FOLH1: variants seen among roughly 807,000 people sequenced by gnomAD.
The protein encoded by FOLH1 is glutamate carboxypeptidase 2.
In FOLH1, 54 loss-of-function variants were observed where a neutral mutation model predicts 93.9. That is an observed-to-expected ratio of 0.57 (90% CI 0.46 to 0.72). The LOEUF (loss-of-function observed/expected upper bound fraction) is 0.72, where lower values mean the gene tolerates loss of function less well. FOLH1 is among the 30% of genes least tolerant of loss of function. The probability of loss-of-function intolerance (pLI) is 0.00; values close to 1 mark genes in which losing one functional copy is unlikely to be tolerated. For synonymous variants in FOLH1, 249 were observed against 303.6 expected, an observed-to-expected ratio of 0.82 and a Z score of 1.87; for missense variants, 571 against 892.5, an observed-to-expected ratio of 0.64 and a Z score of 4.59.
rs749820405 is a variant in FOLH1 at position 49,148,642 on chromosome 11, T to C, written c.2060A>G (p.Tyr687Cys). The C allele has an allele frequency of 4.1e-5, 65 of 1,586,060 alleles. No homozygotes were observed. The highest frequency in any genetic ancestry group is 5.3e-5 in the Non-Finnish European group (62 of 1,170,170). ...GAGTCATATTTTCTTTTCTTACCTATAAAAAGGCCTGTCTGGTAACCCTAA... is the reference window on the plus strand; with the variant it reads ...GAGTCATATTTTCTTTTCTTACCTACAAAAAGGCCTGTCTGGTAACCCTAA... ...DPLGLPDRPF[Y>C]RHVIYAPSSH... The change falls in exon 18 of 19, where the codon TAT (tyrosine) becomes TGT (cysteine). Residue 687 changes from tyrosine to cysteine, a missense_variant. Coordinates refer to ENST00000256999, the MANE Select transcript of FOLH1 (RefSeq NM_004476.3).
At chr11:49,166,999 T>C (rs1340004934) in intron 12 of FOLH1, among the ~76,000 whole-genome samples, 1 of 151,032 alleles carries the variant, frequency 6.6e-6, no homozygotes, top group Non-Finnish European at 1.5e-5. Flanking sequence ...TCCTGGACAA[T>C]ACTACAAGAT....
intron 7 of FOLH1, among the ~76,000 whole-genome samples, chr11:49,180,105 G>A (rs527949509): frequency 6.6e-6 from 1 of 152,286 alleles, no homozygotes; most frequent in South Asian, 2.1e-4. Flanking sequence ...AGTGTCTTTT[G>A]CATCAGACAT....
chr11:49,199,586 T>C (rs1322782665), intron 3 of FOLH1, among the ~76,000 whole-genome samples: 1 of 151,960 alleles, frequency 6.6e-6, no homozygotes, highest in African/African-American at 2.4e-5. Context: ...TCCAAATCTG[T>C]GCAGTGTCTT....
intron 4 of FOLH1, 34 bp from the exon 5 acceptor site, chr11:49,186,803 G>T: frequency 6.5e-7 from 1 of 1,545,612 alleles, no homozygotes; most frequent in Non-Finnish European, 8.7e-7. Context: ...ATATGAGTCA[G>T]ATATAAAACA....
chr11:49,181,559 T>C (rs1296978040), intron 7 of FOLH1, among the ~76,000 whole-genome samples: 1 of 152,170 alleles, frequency 6.6e-6, no homozygotes, highest in Non-Finnish European at 1.5e-5. Context: ...TCATTTACTA[T>C]CAGAGTAATT....
chr11:49,146,994 A>G, intron 18 of FOLH1, 49 bp from the exon 19 acceptor site: 1 of 1,576,218 alleles, frequency 6.3e-7, no homozygotes, highest in Admixed American at 1.8e-5. Context: ...ATGATATACA[A>G]GAGAAACACA....
In FOLH1 at chr11:49,146,663, T is replaced by G. The variant is rs1358063177; in HGVS notation, c.*93A>C. On this transcript the variant is annotated 3_prime_UTR_variant, in exon 19 of 19. Coordinates refer to ENST00000256999, the MANE Select transcript of FOLH1 (RefSeq NM_004476.3). Reference sequence around the variant, plus strand: ...ATATAATATTCAACTTTATTTCAAATATACCAATTTTAAAATTTATCAATA... The same window carrying G: ...ATATAATATTCAACTTTATTTCAAAGATACCAATTTTAAAATTTATCAATA... 1.7e-6 allele frequency: 2 copies of G among 1,166,812 alleles called. No homozygotes were observed. Among genetic ancestry groups the G allele is most frequent in the East Asian group, 5.3e-5 (2 of 37,672 alleles). 72.3% of individuals were successfully genotyped at this position (1,166,812 alleles called of 1,614,324 possible).
intron 2 of FOLH1, among the ~76,000 whole-genome samples, chr11:49,201,098 A>G (rs765580962): frequency 3.3e-5 from 5 of 152,014 alleles, no homozygotes; most frequent in African/African-American, 7.2e-5. Flanking sequence ...TTTCAGGAGT[A>G]GACTAATTTC....
Position 49,164,766 on chromosome 11 carries a change from T to C in FOLH1, c.1379A>G (p.Tyr460Cys). 1 of 1,598,902 alleles carries C rather than the reference T, an allele frequency of 6.3e-7. No homozygotes were observed. The highest frequency in any genetic ancestry group is 8.6e-7 in the Non-Finnish European group (1 of 1,169,400). The change falls in exon 13 of 19, where the codon TAC (tyrosine) becomes TGC (cysteine). Residue 460 changes from tyrosine to cysteine, a missense_variant. By Grantham distance (194) the Tyr-to-Cys change is radical. Transcript: ENST00000256999. ...INADSSIEGN[Y>C]TLRVDCTPLM... ...CGGTGTACAATCAACTCTCAGAGTGTAGTTTCCTGAAAAATAAGAAAAGAA... is the reference window on the plus strand; with the variant it reads ...CGGTGTACAATCAACTCTCAGAGTGCAGTTTCCTGAAAAATAAGAAAAGAA...
At chr11:49,157,544 C>G (rs928337747) in intron 14 of FOLH1, among the ~76,000 whole-genome samples, 12 of 151,780 alleles carry the variant, frequency 7.9e-5, no homozygotes, top group Non-Finnish European at 1.6e-4. Context: ...CTACATGACA[C>G]TGAAAGGAAA....
rs769045533 is a variant in FOLH1, at chr11:49,175,003, TA to T, written c.1020-27del. 5,799 of 1,325,690 alleles carry T rather than the reference TA, an allele frequency of 4.4e-3. 40 individuals are homozygous for T. The highest frequency in any genetic ancestry group is 0.041 in the African/African-American group (2,739 of 66,542). The allele number at this position is 1,325,690 out of a possible 1,614,324, so 82.1% of individuals were successfully genotyped here. On this transcript the variant is annotated intron_variant, in intron 8 of 18. Transcript: ENST00000256999. ...CTAATGCAAAAATAAAAGACATTCT[TA>T]AAAAAAAAAACTGGTTAACAGATTA...
At chr11:49,166,554 A>AT (rs1182766594) in intron 12 of FOLH1, among the ~76,000 whole-genome samples, 12 of 152,236 alleles carry the variant, frequency 7.9e-5, no homozygotes, top group Non-Finnish European at 1.6e-4. Context: ...TGCCAACATG[A>AT]TGGAAACACC....
intron 4 of FOLH1, among the ~76,000 whole-genome samples, chr11:49,187,727 G>T (rs1273089587): frequency 1.3e-5 from 2 of 152,080 alleles, no homozygotes; most frequent in African/African-American, 4.8e-5. Context: ...AGGACTTTTT[G>T]CTCCAGCTGC....
intron 4 of FOLH1, among the ~76,000 whole-genome samples, chr11:49,191,265 G>A (rs1862003661): frequency 6.6e-6 from 1 of 152,160 alleles, no homozygotes; most frequent in African/African-American, 2.4e-5. Flanking sequence ...GCCCCCCTCG[G>A]CCTCCTAGAG....
Position 49,208,296 on chromosome 11 carries a change from G to C in FOLH1, c.114C>G (p.Leu38=). The C allele has an allele frequency of 6.4e-7, 1 of 1,557,992 alleles. No homozygotes were observed. Among genetic ancestry groups the C allele is most frequent in the Non-Finnish European group, 8.7e-7 (1 of 1,148,352 alleles). The part of the protein sequence containing the change: ...LAGGFFLLGF[L]FGWFIKSSNE... ...CTCCGCGAGGCGCCCCCCTACCGAAGAGGAAGCCGAGGAGAAAGAAGCCAC... is the reference window on the plus strand; with the variant it reads ...CTCCGCGAGGCGCCCCCCTACCGAACAGGAAGCCGAGGAGAAAGAAGCCAC... The change falls in exon 1 of 19, where the codon CTC becomes CTG. Residue 38 remains leucine, a synonymous_variant. Transcript: ENST00000256999.
chr11:49,168,568 C>T (rs544707054), intron 12 of FOLH1, among the ~76,000 whole-genome samples: 1 of 152,160 alleles, frequency 6.6e-6, no homozygotes, highest in East Asian at 1.9e-4. Flanking sequence ...TCTAAAGTAC[C>T]TGCATACATT....
intron 7 of FOLH1, 21 bp from the exon 8 acceptor site, chr11:49,175,978 T>C (rs1257491003): frequency 6.2e-7 from 1 of 1,606,484 alleles, no homozygotes; most frequent in Non-Finnish European, 8.5e-7. Flanking sequence ...CAAAAAAACA[T>C]TATTAGCCAC....
chr11:49,192,124 T>C (rs1419627325), intron 4 of FOLH1, among the ~76,000 whole-genome samples: 2 of 152,278 alleles, frequency 1.3e-5, no homozygotes, highest in Admixed American at 6.5e-5. Flanking sequence ...TTATTCATTA[T>C]ACTTTCTGCT....
intron 1 of FOLH1, among the ~76,000 whole-genome samples, chr11:49,207,384 A>T (rs1301353917): frequency 6.6e-6 from 1 of 152,254 alleles, no homozygotes; most frequent in Non-Finnish European, 1.5e-5. Flanking sequence ...AAAATCTTTT[A>T]ACAACCCCAA....
Sources: gnomAD v4.1 joint callset for allele counts (sites outside exome capture counted in the v4.1 genomes callset) on GRCh38, gnomAD v4.1.1 for gene constraint, MANE v1.5 for transcripts, NCBI Gene and HGNC (gene_info 2026-07-23, HGNC 2026-07-21) for gene names.